Variants in MCCC2 observed in about 807,000 individuals in gnomAD.
MCCC2 encodes methylcrotonoyl-CoA carboxylase beta chain, mitochondrial.
A neutral mutation model predicts 77.2 loss-of-function variants in MCCC2; 52 were observed. That is an observed-to-expected ratio of 0.67 (90% CI 0.54 to 0.85). The LOEUF (loss-of-function observed/expected upper bound fraction) is 0.85. Among genes scored for constraint, MCCC2 ranks in the 40% least tolerant of loss-of-function variants. The pLI is 0.00. For missense variants in MCCC2, 682 were observed against 703.2 expected, an observed-to-expected ratio of 0.97 and a Z score of 0.34; for synonymous variants, 253 against 248.4, an observed-to-expected ratio of 1.02 and a Z score of -0.18.
In MCCC2 at chr5:71,588,832, GGAATTCATT is replaced by G. The variant is rs1295565748; in HGVS notation, c.129+1283_129+1291del. Among the ~76,000 whole-genome samples the G allele has an allele frequency of 4.6e-5, 7 of 152,132 alleles. No homozygotes were observed. The East Asian group carries it at 1.3e-3, about 29-fold the overall frequency. On this transcript the variant is annotated intron_variant, in intron 1 of 16. Transcript: ENST00000340941. ...GACTTGAATTCCATGTCTAGGACAT[GGAATTCATT>G]GAATAGTGTCTGGTGATGGGATTGA...
At chr5:71,629,187 G>A (rs1279730914) in intron 7 of MCCC2, among the ~76,000 whole-genome samples, 2 of 147,944 alleles carry the variant, frequency 1.4e-5, no homozygotes, top group African/African-American at 2.5e-5. Flanking sequence ...CTGGGCAACA[G>A]AGCGAGACTC....
At chr5:71,642,536 G>C (rs541811554) in intron 11 of MCCC2, among the ~76,000 whole-genome samples, 26 of 152,346 alleles carry the variant, frequency 1.7e-4, no homozygotes, top group Middle Eastern at 3.4e-3. Context: ...AGCGCATCCT[G>C]TCTGTGCCTG....
At position 71,604,443 on chromosome 5, in the gene MCCC2, T is replaced by A. The variant is rs140806722; in HGVS notation, c.599T>A (p.Ile200Asn). 3.9e-3 allele frequency: 6,219 copies of A among 1,614,066 alleles called. 18 individuals carry two copies. Among genetic ancestry groups the A allele is most frequent in the Non-Finnish European group, 4.9e-3 (5,781 of 1,179,922 alleles). The change falls in exon 6 of 17, where the codon ATT becomes AAT. Residue 200 changes from isoleucine to asparagine, a missense_variant. Physicochemically the swap from Ile to Asn is moderately radical, Grantham distance 149. Transcript: ENST00000340941. ...GGCCGTACATTCTATAATCAGGCAA[T>A]TATGTCTTCTAAAAATATTGCACAG... ...HFGRTFYNQAIMSSKNIAQIA... is the reference protein window; with the variant it reads ...HFGRTFYNQANMSSKNIAQIA...
chr5:71,604,384 A>G lies in MCCC2; in HGVS notation c.540A>G (p.Arg180=), dbSNP rs2112328806. The change falls in exon 6 of 17, where the codon CGA becomes CGG. Residue 180 remains arginine (R), a synonymous_variant. Coordinates refer to ENST00000340941, the MANE Select transcript of MCCC2 (RefSeq NM_022132.5). ...LVDSGGAYLP[R]QADVFPDRDH... The stretch of plus-strand genomic sequence containing the variant: ...ATTCGGGAGGAGCATACTTACCTCG[A>G]CAAGCAGATGTGTTTCCAGATCGAG... 6.2e-7 allele frequency: 1 copy of G among 1,614,144 alleles called. No individual in the cohort carries two copies. Among genetic ancestry groups the G allele is most frequent in the Admixed American group, 1.7e-5 (1 of 60,016 alleles).
chr5:71,655,086 G>A (rs1233637170), intron 16 of MCCC2, among the ~76,000 whole-genome samples: 4 of 152,062 alleles, frequency 2.6e-5, no homozygotes, highest in East Asian at 3.8e-4. Context: ...CACCCGCCTC[G>A]GCTTCCCAAA....
intron 6 of MCCC2, among the ~76,000 whole-genome samples, chr5:71,611,452 A>G (rs1035800460): frequency 1.3e-5 from 2 of 152,238 alleles, no homozygotes; most frequent in African/African-American, 4.8e-5. Flanking sequence ...TGTTAGAGCA[A>G]AAGTTAGAGA....
At chr5:71,615,843 A>G (rs1287272965) in intron 6 of MCCC2, among the ~76,000 whole-genome samples, 1 of 151,902 alleles carries the variant, frequency 6.6e-6, no homozygotes, top group Non-Finnish European at 1.5e-5. Flanking sequence ...ATCCCTTGGA[A>G]TTTCCTGGGT....
chr5:71,623,681 C>T (rs1261650911), intron 6 of MCCC2, among the ~76,000 whole-genome samples: 1 of 152,168 alleles, frequency 6.6e-6, no homozygotes, highest in Non-Finnish European at 1.5e-5. Flanking sequence ...AGGAACTGCA[C>T]AGAATGTGAA....
At chr5:71,635,102 C>T in intron 9 of MCCC2, 49 bp from the exon 10 acceptor site, 2 of 1,612,304 alleles carry the variant, frequency 1.2e-6, no homozygotes, top group South Asian at 2.2e-5. Context: ...ACTCACTGCA[C>T]CTTGAAATCA....
At chr5:71,648,168 G>A (rs1288191820) in intron 13 of MCCC2, among the ~76,000 whole-genome samples, 1 of 152,212 alleles carries the variant, frequency 6.6e-6, no homozygotes, top group Non-Finnish European at 1.5e-5. Flanking sequence ...GGAACTGGTT[G>A]GGTTGAATTG....
chr5:71,641,835 G>A (rs1352559412), intron 11 of MCCC2, among the ~76,000 whole-genome samples: 1 of 152,142 alleles, frequency 6.6e-6, no homozygotes, highest in East Asian at 1.9e-4. Flanking sequence ...TATACATTGA[G>A]GCTTAAGGAT....
intron 6 of MCCC2, among the ~76,000 whole-genome samples, chr5:71,611,908 C>G (rs1164828555): frequency 6.6e-6 from 1 of 151,776 alleles, no homozygotes; most frequent in Non-Finnish European, 1.5e-5. Context: ...CCTGCCTCAG[C>G]CTCCTGAGTA....
intron 10 of MCCC2, chr5:71,635,488 A>G (rs1301051061): frequency 1.8e-6 from 1 of 556,152 alleles, no homozygotes; most frequent in East Asian, 3.6e-5. Flanking sequence ...TTGCGCAAAA[A>G]GTGTGATTTG....
At chr5:71,645,116 A>G (rs1747241908) in intron 12 of MCCC2, among the ~76,000 whole-genome samples, 2 of 152,218 alleles carry the variant, frequency 1.3e-5, no homozygotes, top group Non-Finnish European at 2.9e-5. Flanking sequence ...AATAGAGGAA[A>G]TGTCAGAGTG....
At chr5:71,618,365 C>T (rs1746238599) in intron 6 of MCCC2, among the ~76,000 whole-genome samples, 1 of 152,190 alleles carries the variant, frequency 6.6e-6, no homozygotes. Context: ...GCCCTCCCAC[C>T]TTCTGCTGTT....
intron 5 of MCCC2, among the ~76,000 whole-genome samples, chr5:71,604,117 G>T (rs1745567048): frequency 6.6e-6 from 1 of 152,168 alleles, no homozygotes; most frequent in African/African-American, 2.4e-5. Flanking sequence ...AGGAGAGAAG[G>T]TTCTAACCAT....
At chr5:71,632,327 G>A (rs1180673950) in intron 8 of MCCC2, 142 bp downstream of exon 8, 1 of 803,122 alleles carries the variant, frequency 1.2e-6, no homozygotes, top group Non-Finnish European at 2.1e-6. Context: ...CTGGTTTAAT[G>A]TTCAATTCTT....
intron 3 of MCCC2, 136 bp from the exon 4 acceptor site, chr5:71,599,523 A>G: frequency 1.4e-6 from 1 of 732,796 alleles, no homozygotes; most frequent in South Asian, 1.6e-5. Flanking sequence ...GATTTTTAAA[A>G]ATAGATTTTA....
intron 10 of MCCC2, chr5:71,635,759 C>A (rs994760920): frequency 1.4e-5 from 3 of 208,270 alleles, no homozygotes; most frequent in Non-Finnish European, 2.9e-5. Flanking sequence ...GGGTTTAGAG[C>A]ATATAGTCTT....
Sources: gnomAD v4.1 joint callset for allele counts (sites outside exome capture counted in the v4.1 genomes callset) on GRCh38, gnomAD v4.1.1 for gene constraint, MANE v1.5 for transcripts, NCBI Gene and HGNC (gene_info 2026-07-23, HGNC 2026-07-21) for gene names.